DOP1B: variants seen among roughly 807,000 people sequenced by gnomAD.
DOP1B encodes the protein protein DOP1B.
DOP1B carries 174 observed loss-of-function variants against 233.5 expected under a neutral mutation model. The observed-to-expected ratio is 0.75, with a 90% CI of 0.66 to 0.85. The LOEUF is 0.85. Ranked by LOEUF, DOP1B falls within the 40% of genes least tolerant of loss-of-function variation. The pLI is 0.00. For synonymous variants in DOP1B, 1,190 were observed against 1,185.6 expected, an observed-to-expected ratio of 1.00 and a Z score of -0.08; for missense variants, 2,652 against 2,846.6, an observed-to-expected ratio of 0.93 and a Z score of 1.56.
At chr21:36,162,312 A>G (rs1310992562) in intron 1 of DOP1B, among the ~76,000 whole-genome samples, 1 of 152,154 alleles carries the variant, frequency 6.6e-6, no homozygotes, top group Non-Finnish European at 1.5e-5. Flanking sequence ...CTCCCAACTC[A>G]GACTCCTGAG....
At chr21:36,200,554 G>A in intron 4 of DOP1B, 53 bp downstream of exon 4, 11 of 1,530,308 alleles carry the variant, frequency 7.2e-6, no homozygotes, top group Middle Eastern at 1.8e-4. Context: ...TATAAGACGC[G>A]GGGAGGGGGC....
At chr21:36,210,265 T>C (rs937248557) in intron 5 of DOP1B, among the ~76,000 whole-genome samples, 12 of 152,034 alleles carry the variant, frequency 7.9e-5, no homozygotes, top group Admixed American at 6.6e-4. Flanking sequence ...CTCAGCACTT[T>C]GGGAGCCCTG....
chr21:36,216,762 A>G (rs574844501), intron 9 of DOP1B, among the ~76,000 whole-genome samples: 6 of 152,176 alleles, frequency 3.9e-5, no homozygotes, highest in African/African-American at 1.4e-4. Flanking sequence ...ACCTCCTGGT[A>G]GCTGTTTGCA....
At chr21:36,264,401 A>G (rs1683297130) in intron 26 of DOP1B, among the ~76,000 whole-genome samples, 1 of 151,996 alleles carries the variant, frequency 6.6e-6, no homozygotes, top group African/African-American at 2.4e-5. Context: ...ACAGAGAGAG[A>G]TCCTGTCTCA....
chr21:36,169,723 C>T, intron 2 of DOP1B: 1 of 998,984 alleles, frequency 1.0e-6, no homozygotes, highest in Non-Finnish European at 1.6e-6. Context: ...AGTGCTTCCT[C>T]ATGCTGCTGA....
At chr21:36,281,654 A>G in intron 32 of DOP1B, 43 bp downstream of exon 32, 2 of 1,454,644 alleles carry the variant, frequency 1.4e-6, no homozygotes, top group South Asian at 1.4e-5. Context: ...CTATAACAGA[A>G]TACCTGAGAC....
chr21:36,268,582 T>C (rs1267660589), intron 26 of DOP1B, among the ~76,000 whole-genome samples: 1 of 152,232 alleles, frequency 6.6e-6, no homozygotes, highest in African/African-American at 2.4e-5. Context: ...TGTAAGAAAT[T>C]ACAAAAGTAT....
chr21:36,182,528 A>G (rs1289927165), intron 2 of DOP1B, among the ~76,000 whole-genome samples: 1 of 152,176 alleles, frequency 6.6e-6, no homozygotes, highest in Non-Finnish European at 1.5e-5. Flanking sequence ...CGACAGGGAA[A>G]GATAGGTTAA....
At chr21:36,187,302 G>A (rs921930135) in intron 2 of DOP1B, among the ~76,000 whole-genome samples, 3 of 151,578 alleles carry the variant, frequency 2.0e-5, no homozygotes, top group Non-Finnish European at 4.4e-5. Context: ...CTGAAGCCAA[G>A]GCCTGGCTTT....
At chr21:36,253,246 T>C (rs1056652547) in intron 22 of DOP1B, among the ~76,000 whole-genome samples, 1 of 152,226 alleles carries the variant, frequency 6.6e-6, no homozygotes, top group Admixed American at 6.5e-5. Context: ...ATTCCATCTC[T>C]TGTTTCCTTC....
intron 17 of DOP1B, among the ~76,000 whole-genome samples, 191 bp from the exon 18 acceptor site, chr21:36,239,574 C>T (rs2123571638): frequency 6.6e-6 from 1 of 152,306 alleles, no homozygotes; most frequent in Admixed American, 6.5e-5. Context: ...TTTAAATGCT[C>T]CCACTGGTGA....
rs371896907 is a variant in DOP1B at position 36,159,281 on chromosome 21, A to G, written c.-27+2338A>G. On this transcript the variant is annotated intron_variant, in intron 1 of 36. Transcript: ENST00000691173. ...AGGCTGACCAACATGGAGAAACCCC[A>G]TCTCTACTAAAAATACAAAATTAGC... Among the ~76,000 whole-genome samples the G allele has an allele frequency of 1.1e-4, 16 of 151,904 alleles. No individual in the cohort carries two copies. The East Asian group carries it at 2.5e-3, about 24-fold the overall frequency.
intron 36 of DOP1B, 24 bp downstream of exon 36, chr21:36,292,257 T>TC (rs67268853): frequency 2.2e-4 from 91 of 406,238 alleles, no homozygotes; most frequent in Non-Finnish European, 2.9e-4. Context: ...TTTTCTTTTC[T>TC]TTTTTTTTTT....
chr21:36,199,396 C>A, intron 3 of DOP1B, 145 bp downstream of exon 3: 1 of 987,668 alleles, frequency 1.0e-6, no homozygotes, highest in Non-Finnish European at 1.4e-6. Context: ...CAGGAGACGT[C>A]ACTGGGCGCC....
rs143750017 is a variant in DOP1B, at chr21:36,289,598, C to T, written c.6515+392C>T. 8.9e-4 allele frequency among the ~76,000 whole-genome samples: 136 copies of T among 152,228 alleles called. 1 individual carries two copies. The highest frequency in any genetic ancestry group is 1.9e-3 in the Admixed American group (29 of 15,256). On this transcript the variant is annotated intron_variant, in intron 35 of 36. Transcript: ENST00000691173. ...TGCCTTTATTTGGAGCCTGCCATCT[C>T]CGATTCACTTTGCCCCATAGGCTTA...
chr21:36,254,253 A>C (rs2067066937), intron 23 of DOP1B, among the ~76,000 whole-genome samples: 1 of 152,196 alleles, frequency 6.6e-6, no homozygotes, highest in Admixed American at 6.5e-5. Context: ...AGGAGCTCGC[A>C]GCCATAAAGA....
chr21:36,195,422 T>C (rs1204126532), intron 2 of DOP1B, among the ~76,000 whole-genome samples: 1 of 149,856 alleles, frequency 6.7e-6, no homozygotes, highest in Non-Finnish European at 1.5e-5. Flanking sequence ...TAACCCTGGC[T>C]ACTCAGGAGA....
intron 2 of DOP1B, among the ~76,000 whole-genome samples, chr21:36,189,768 T>C (rs959572744): frequency 3.3e-5 from 5 of 151,756 alleles, no homozygotes; most frequent in African/African-American, 1.2e-4. Flanking sequence ...CCCAGCACTT[T>C]GGGAGGCTGA....
chr21:36,238,719 A>G lies in DOP1B; in HGVS notation c.2876+18A>G. ...TTTGATAGGTGAGGCGGCCTTCGTT[A>G]TGATCTACCGTTAACTCACGAGGAA... On this transcript the variant is annotated intron_variant, in intron 17 of 36. Transcript: ENST00000691173. The G allele has an allele frequency of 6.2e-7, 1 of 1,612,796 alleles. No individual in the cohort carries two copies. The highest frequency in any genetic ancestry group is 8.5e-7 in the Non-Finnish European group (1 of 1,178,800).
Sources: allele counts gnomAD v4.1 joint callset (sites outside exome capture counted in the v4.1 genomes callset), GRCh38; gene constraint gnomAD v4.1.1; transcripts MANE v1.5; gene names NCBI Gene and HGNC (gene_info 2026-07-23, HGNC 2026-07-21).